The following AATF variants were observed in gnomAD, a reference collection of about 807,000 sequenced individuals.
AATF encodes the protein apoptosis antagonizing transcription factor.
Under a neutral mutation model 63.7 loss-of-function variants are expected in AATF, and 48 were observed. That is an observed-to-expected ratio of 0.75 (90% confidence interval 0.60 to 0.96). The LOEUF is 0.96. AATF is among the 40% of genes least tolerant of loss of function. The pLI is 0.00. For missense variants in AATF, 639 were observed against 685.7 expected (o/e 0.93, Z 0.76); for synonymous variants, 258 against 247.7 (o/e 1.04, Z -0.39).
rs531736356 is a variant in AATF at position 37,013,780 on chromosome 17, AT to A, written c.1399-5222del. Among the ~76,000 whole-genome samples, 3 of 152,180 alleles carry A rather than the reference AT, an allele frequency of 2.0e-5. No homozygotes were observed. The South Asian group carries it at 6.2e-4, about 32-fold the overall frequency. On this transcript the variant is annotated intron_variant, in intron 8 of 11. Transcript: ENST00000619387. ...TATTATGATTACATTTTTCTTACAA[AT>A]TTGTTTTTTCCTAGAGCTAATAATG...
chr17:36,980,689 G>A (rs960951593), intron 4 of AATF, among the ~76,000 whole-genome samples: 10 of 151,992 alleles, frequency 6.6e-5, no homozygotes, highest in African/African-American at 1.7e-4. Flanking sequence ...TTGAGTTTCC[G>A]GGAGAGAGTC....
chr17:37,001,959 T>C (rs1347404803), intron 8 of AATF, among the ~76,000 whole-genome samples: 1 of 152,058 alleles, frequency 6.6e-6, no homozygotes, highest in South Asian at 2.1e-4. Context: ...CCCAGCACAC[T>C]GGGAGGCCAA....
chr17:36,974,427 A>G (rs1339025996), intron 4 of AATF, among the ~76,000 whole-genome samples: 2 of 152,168 alleles, frequency 1.3e-5, no homozygotes, highest in Non-Finnish European at 2.9e-5. Flanking sequence ...ATTTTTATAA[A>G]TGATGTAGTA....
At chr17:37,049,957 T>C (rs1567998656) in intron 11 of AATF, among the ~76,000 whole-genome samples, 1 of 152,118 alleles carries the variant, frequency 6.6e-6, no homozygotes, top group Non-Finnish European at 1.5e-5. Flanking sequence ...GGCTGCGGGT[T>C]CTGGAGACCT....
intron 4 of AATF, among the ~76,000 whole-genome samples, 187 bp downstream of exon 4, chr17:36,954,094 G>A (rs1302512526): frequency 1.4e-5 from 2 of 139,264 alleles, no homozygotes; most frequent in Non-Finnish European, 3.0e-5. Context: ...TTGAGACAGA[G>A]TCTCGCTCTG....
rs149687997 is a variant in AATF, at chr17:36,950,550, A to G, written c.283+145A>G. On this transcript the variant is annotated intron_variant, in intron 2 of 11. Coordinates refer to ENST00000619387, the MANE Select transcript of AATF (RefSeq NM_012138.4). ...GTTTGGCTCTTGTTGCCCAGGCTGG[A>G]GTGTGATGGCGCCATCTCGGCTCAC... 7.0e-5 allele frequency: 59 copies of G among 847,530 alleles called. 1 individual carries two copies. The African/African-American group carries it at 8.6e-4, about 12-fold the overall frequency. The allele number at this position is 847,530 out of a possible 1,614,324, so 52.5% of individuals were successfully genotyped here. A position where few individuals can be genotyped will look rare whatever the true frequency, so the allele number is the denominator to read the frequency against.
intron 8 of AATF, among the ~76,000 whole-genome samples, chr17:37,017,584 A>G (rs2142284978): frequency 6.6e-6 from 1 of 152,358 alleles, no homozygotes; most frequent in East Asian, 1.9e-4. Context: ...TTGGGAATCA[A>G]TCAGATAAAC....
At chr17:36,991,200 A>G (rs989102648) in intron 8 of AATF, among the ~76,000 whole-genome samples, 1 of 152,076 alleles carries the variant, frequency 6.6e-6, no homozygotes, top group Non-Finnish European at 1.5e-5. Flanking sequence ...TTCTTGTCTC[A>G]TTACTATTAG....
chr17:37,007,874 C>A (rs2071354293), intron 8 of AATF, among the ~76,000 whole-genome samples: 1 of 152,054 alleles, frequency 6.6e-6, no homozygotes, highest in African/African-American at 2.4e-5. Context: ...AAGAGAATCG[C>A]AGATAGTTCA....
intron 4 of AATF, among the ~76,000 whole-genome samples, chr17:36,974,866 A>G (rs1482008087): frequency 5.3e-5 from 8 of 152,046 alleles, no homozygotes; most frequent in Admixed American, 5.2e-4. Context: ...TGCCACTCTA[A>G]TTCTCCTTTT....
Position 37,021,799 on chromosome 17 carries a change from C to T in AATF, c.1547+785C>T, listed in dbSNP as rs566741653. Reference sequence around the variant, plus strand: ...CAGCCTGGGCGACAGAGCGAGACTCCGTCTCAAAAAAAAAAAAAAAAATAA... The same window carrying T: ...CAGCCTGGGCGACAGAGCGAGACTCTGTCTCAAAAAAAAAAAAAAAAATAA... On this transcript the variant is annotated intron_variant, in intron 10 of 11. Transcript: ENST00000619387. Among the ~76,000 whole-genome samples the T allele has an allele frequency of 2.1e-4, 15 of 72,906 alleles. 2 individuals are homozygous for T. The highest frequency in any genetic ancestry group is 9.3e-4 in the African/African-American group (5 of 5,348). 47.8% of individuals were successfully genotyped at this position (72,906 alleles called of 152,430 possible).
chr17:36,968,255 T>C, intron 4 of AATF, among the ~76,000 whole-genome samples: 1 of 138,430 alleles, frequency 7.2e-6, no homozygotes, highest in African/African-American at 2.9e-5. Context: ...TTTCTTTTTC[T>C]TTCTTTCCTT....
intron 11 of AATF, chr17:37,052,110 G>A (rs1269668970): frequency 2.0e-5 from 3 of 152,270 alleles, no homozygotes; most frequent in African/African-American, 7.2e-5. Flanking sequence ...CCATGAGTGT[G>A]TGTGTGCTGG....
chr17:36,976,928 A>C (rs1430588572), intron 4 of AATF, among the ~76,000 whole-genome samples: 1 of 152,188 alleles, frequency 6.6e-6, no homozygotes, highest in Non-Finnish European at 1.5e-5. Context: ...TTTGTTTTTA[A>C]ATTTCTGTCT....
In AATF at chr17:37,056,739, T is replaced by C; in HGVS notation, c.*75T>C. ...GGTCCAGATGGAGGAAACCAGTGAC[T>C]TTATGGGGCTGAGCTAGTAGGGAAG... On this transcript the variant is annotated 3_prime_UTR_variant, in exon 12 of 12. Coordinates refer to ENST00000619387, the MANE Select transcript of AATF (RefSeq NM_012138.4). 1 of 1,493,322 alleles carries C rather than the reference T, an allele frequency of 6.7e-7. No individual in the cohort carries two copies. Among genetic ancestry groups the C allele is most frequent in the Non-Finnish European group, 9.3e-7 (1 of 1,074,136 alleles). 92.5% of individuals were successfully genotyped at this position (1,493,322 alleles called of 1,614,324 possible).
chr17:37,040,723 G>A (rs1268906603), intron 11 of AATF, among the ~76,000 whole-genome samples: 5 of 148,222 alleles, frequency 3.4e-5, no homozygotes, highest in African/African-American at 1.3e-4. Context: ...TTTGGGGGGG[G>A]GAACTTCTTT....
chr17:36,965,141 T>C (rs2070981406), intron 4 of AATF, among the ~76,000 whole-genome samples: 1 of 152,242 alleles, frequency 6.6e-6, no homozygotes, highest in African/African-American at 2.4e-5. Flanking sequence ...TTCCTCTTGC[T>C]GCTGTAACAA....
chr17:37,030,641 A>G (rs1008237594), intron 10 of AATF, among the ~76,000 whole-genome samples: 1 of 152,202 alleles, frequency 6.6e-6, no homozygotes, highest in Non-Finnish European at 1.5e-5. Context: ...CATAGTACCT[A>G]GACTGAAGAT....
At chr17:36,993,959 A>G (rs939004468) in intron 8 of AATF, among the ~76,000 whole-genome samples, 3 of 152,186 alleles carry the variant, frequency 2.0e-5, no homozygotes, top group Admixed American at 1.3e-4. Flanking sequence ...AAGTTACCAT[A>G]TCTTTCAAAA....
Sources: allele counts gnomAD v4.1 joint callset (sites outside exome capture counted in the v4.1 genomes callset), GRCh38; gene constraint gnomAD v4.1.1; transcripts MANE v1.5; gene names NCBI Gene and HGNC (gene_info 2026-07-23, HGNC 2026-07-21).